Variants in TMLHE observed in about 807,000 individuals in gnomAD.
The protein encoded by TMLHE is trimethyllysine hydroxylase, epsilon, also known as trimethyllysine dioxygenase, mitochondrial.
Under a neutral mutation model 25.7 loss-of-function variants are expected in TMLHE, and 18 were observed. The ratio of observed to expected loss-of-function variants is 0.70; its 90% confidence interval spans 0.48 to 1.04. The LOEUF (loss-of-function observed/expected upper bound fraction) is 1.04. Ranked by LOEUF, TMLHE falls within the 50% of genes least tolerant of loss-of-function variation. The pLI, the probability that TMLHE is intolerant of heterozygous loss-of-function variation, is 0.00. For missense variants in TMLHE, 236 were observed against 259.0 expected (o/e 0.91, Z 0.61); for synonymous variants, 105 against 97.0 (o/e 1.08, Z -0.49).
At chrX:155,493,280 A>C (rs2067043210) in intron 6 of TMLHE, 1 of 124,093 alleles carries the variant, frequency 8.1e-6, no homozygotes, top group Non-Finnish European at 1.7e-5. Context: ...CGAGACCAAC[A>C]ATGTAACAAG....
At chrX:155,528,584 A>G (rs1056499439) in intron 2 of TMLHE, among the ~76,000 whole-genome samples, 58 of 111,788 alleles carry the variant, frequency 5.2e-4, no homozygotes, top group African/African-American at 1.9e-3. Flanking sequence ...AACATACAGT[A>G]TTTGGTTTTT....
chrX:155,510,934 T>C (rs1426883791), intron 5 of TMLHE, among the ~76,000 whole-genome samples: 2 of 109,096 alleles, frequency 1.8e-5, no homozygotes, highest in Non-Finnish European at 3.8e-5. Context: ...TTTTTAATGA[T>C]TGCCATTCTA....
At chrX:155,553,543 C>A (rs2067428523) in intron 1 of TMLHE, among the ~76,000 whole-genome samples, 1 of 109,437 alleles carries the variant, frequency 9.1e-6, no homozygotes, top group South Asian at 3.9e-4. Context: ...TACTTTCAAT[C>A]TTCCTATATC....
At chrX:155,535,083 T>C (rs981496597) in intron 2 of TMLHE, among the ~76,000 whole-genome samples, 3 of 111,745 alleles carry the variant, frequency 2.7e-5, no homozygotes, top group Non-Finnish European at 3.8e-5. Flanking sequence ...GGTGCCCTGA[T>C]GTTGGATTTT....
chrX:155,580,941 C>A (rs1407163363), intron 1 of TMLHE, among the ~76,000 whole-genome samples: 3 of 111,637 alleles, frequency 2.7e-5, no homozygotes, highest in Non-Finnish European at 5.7e-5. Context: ...ACTAGCAAAC[C>A]AAATCTATCA....
intron 1 of TMLHE, among the ~76,000 whole-genome samples, chrX:155,569,059 C>A (rs1603070216): frequency 1.7e-5 from 1 of 59,335 alleles, no homozygotes. Flanking sequence ...GAAATTCAAA[C>A]CAAAGGCAAA....
chrX:155,506,183 GA>G (rs782171505), intron 6 of TMLHE, among the ~76,000 whole-genome samples: 66 of 110,904 alleles, frequency 6.0e-4, no homozygotes, highest in Non-Finnish European at 1.1e-3. Flanking sequence ...AAAATTAATG[GA>G]AGAGGGCTCA....
intron 2 of TMLHE, among the ~76,000 whole-genome samples, chrX:155,534,900 T>C (rs1213876587): frequency 9.0e-6 from 1 of 111,716 alleles, no homozygotes; most frequent in Admixed American, 9.5e-5. Flanking sequence ...ATGGAGACTT[T>C]GGGAGATAAT....
intron 1 of TMLHE, among the ~76,000 whole-genome samples, chrX:155,576,964 C>T (rs1181862420): frequency 1.8e-5 from 2 of 111,661 alleles, no homozygotes; most frequent in African/African-American, 6.5e-5. Context: ...GATTTCATAA[C>T]GAAGATATCA....
At chrX:155,596,676 A>G (rs2067722522) in intron 1 of TMLHE, among the ~76,000 whole-genome samples, 1 of 111,689 alleles carries the variant, frequency 9.0e-6, no homozygotes, top group South Asian at 3.8e-4. Context: ...CCTAAATGCT[A>G]ACATTATCTA....
chrX:155,584,758 C>T (rs2067653984), intron 1 of TMLHE, among the ~76,000 whole-genome samples: 1 of 111,119 alleles, frequency 9.0e-6, no homozygotes, highest in South Asian at 3.8e-4. Context: ...AGGATACTAT[C>T]CCCAGCAACG....
At chrX:155,581,879 A>C (rs939139382) in intron 1 of TMLHE, among the ~76,000 whole-genome samples, 17 of 112,172 alleles carry the variant, frequency 1.5e-4, no homozygotes, top group African/African-American at 5.5e-4. Context: ...AATCCTAAGC[A>C]AAAAGAACAA....
At position 155,609,493 on chromosome X, in the gene TMLHE, A is replaced by G. The variant is rs143532359; in HGVS notation, c.-2+3299T>C. ...TGTACGCCACACCCCTGTGACACAC[A>G]ATTTATCTATAGAACCAACCTGCCC... On this transcript the variant is annotated intron_variant, in intron 1 of 7. Coordinates refer to ENST00000334398, the MANE Select transcript of TMLHE (RefSeq NM_018196.4). Among the ~76,000 whole-genome samples the G allele has an allele frequency of 7.1e-3, 794 of 111,965 alleles. 8 individuals are homozygous for G. Among genetic ancestry groups the G allele is most frequent in the African/African-American group, 0.024 (754 of 30,841 alleles).
chrX:155,600,203 A>G (rs1412137937), intron 1 of TMLHE, among the ~76,000 whole-genome samples: 2 of 111,837 alleles, frequency 1.8e-5, no homozygotes, highest in African/African-American at 6.5e-5. Context: ...CATGTCACCA[A>G]TGATAATTAC....
At chrX:155,582,976 G>A (rs1325539271) in intron 1 of TMLHE, among the ~76,000 whole-genome samples, 3 of 112,307 alleles carry the variant, frequency 2.7e-5, no homozygotes, top group Non-Finnish European at 3.8e-5. Flanking sequence ...TATACACCAT[G>A]GAATACTATG....
At position 155,612,895 on chromosome X, in the gene TMLHE, C is replaced by A. The variant is rs928376219; in HGVS notation, c.-105G>T. On this transcript the variant is annotated 5_prime_UTR_variant, in exon 1 of 8. Transcript: ENST00000334398. ...CACCCGCCTTTTGCCTTTTCACCCC[C>A]AAAACTGTCGGCCCCACGCTCCCCT... 1 of 111,985 alleles carries A rather than the reference C, an allele frequency of 8.9e-6. No individual in the cohort carries two copies. The highest frequency in any genetic ancestry group is 3.2e-5 in the African/African-American group (1 of 30,800). The allele number at this position is 111,985 out of a possible 1,213,427, so 9.2% of individuals were successfully genotyped here.
intron 2 of TMLHE, among the ~76,000 whole-genome samples, chrX:155,544,608 C>T (rs1221015381): frequency 8.9e-6 from 1 of 112,351 alleles, no homozygotes; most frequent in African/African-American, 3.2e-5. Flanking sequence ...TTAGAAGACT[C>T]ATACACATAG....
chrX:155,515,537 G>T (rs2067146605), intron 3 of TMLHE, among the ~76,000 whole-genome samples: 1 of 111,121 alleles, frequency 9.0e-6, no homozygotes, highest in Admixed American at 9.6e-5. Context: ...AAACTTTTAA[G>T]AGTTCTGATA....
At chrX:155,507,215 A>C in intron 5 of TMLHE, 81 bp from the exon 6 acceptor site, 1 of 627,106 alleles carries the variant, frequency 1.6e-6, no homozygotes, top group Non-Finnish European at 2.5e-6. Flanking sequence ...TAAAATGATT[A>C]CTGAAACTAC....
Sources: gnomAD v4.1 joint callset for allele counts (sites outside exome capture counted in the v4.1 genomes callset) on GRCh38, gnomAD v4.1.1 for gene constraint, MANE v1.5 for transcripts, NCBI Gene and HGNC (gene_info 2026-07-23, HGNC 2026-07-21) for gene names.